The following SPTLC2 variants were observed in gnomAD, a reference collection of about 807,000 sequenced individuals.
SPTLC2 encodes serine palmitoyltransferase 2.
Under a neutral mutation model 62.0 loss-of-function variants are expected in SPTLC2, and 21 were observed. The ratio of observed to expected loss-of-function variants is 0.34; its 90% CI spans 0.24 to 0.49. The LOEUF (loss-of-function observed/expected upper bound fraction) is 0.49. SPTLC2 is among the 20% of genes least tolerant of loss of function. The pLI is 0.99. For synonymous variants in SPTLC2, 261 were observed against 261.8 expected (o/e 1.00, Z 0.03); for missense variants, 511 against 713.0 (o/e 0.72, Z 3.23).
chr14:77,591,015 T>A (rs1396303246), intron 2 of SPTLC2, among the ~76,000 whole-genome samples: 2 of 152,198 alleles, frequency 1.3e-5, no homozygotes, highest in Non-Finnish European at 2.9e-5. Context: ...ACAGATACAG[T>A]GGTAAACCTA....
chr14:77,574,472 C>A (rs7400794), intron 4 of SPTLC2, among the ~76,000 whole-genome samples: 2 of 152,226 alleles, frequency 1.3e-5, no homozygotes, highest in Non-Finnish European at 2.9e-5. Flanking sequence ...AGTTACCATA[C>A]GACCTAGCAA....
Position 77,509,705 on chromosome 14 carries a change from T to C in SPTLC2, c.*2579A>G, listed in dbSNP as rs1371255693. 1 of 394,310 alleles carries C rather than the reference T, an allele frequency of 2.5e-6. No individual in the cohort carries two copies. The highest frequency in any genetic ancestry group is 3.6e-5 in the East Asian group (1 of 27,798). 24.4% of individuals were successfully genotyped at this position (394,310 alleles called of 1,614,324 possible). On this transcript the variant is annotated 3_prime_UTR_variant, in exon 12 of 12. Transcript: ENST00000216484. Reference sequence around the variant, plus strand: ...TAAATGATGATACCTAGGATATGACTGGACCCTAGATTTACATTACAGTTT... The same window carrying C: ...TAAATGATGATACCTAGGATATGACCGGACCCTAGATTTACATTACAGTTT...
rs2079325752 is a variant in SPTLC2 at position 77,510,287 on chromosome 14, A to C, written c.*1997T>G. The C allele has an allele frequency of 4.8e-6, 1 of 206,266 alleles. No homozygotes were observed. Among genetic ancestry groups the C allele is most frequent in the Non-Finnish European group, 9.6e-6 (1 of 104,466 alleles). 12.8% of individuals were successfully genotyped at this position (206,266 alleles called of 1,614,324 possible). ...GGCTTATTAAAGTTCTCAGATGCTG[A>C]CAGTGACTAAACATAACTCATACTC... On this transcript the variant is annotated 3_prime_UTR_variant, in exon 12 of 12. Coordinates refer to ENST00000216484, the MANE Select transcript of SPTLC2 (RefSeq NM_004863.4).
intron 5 of SPTLC2, among the ~76,000 whole-genome samples, chr14:77,564,893 A>C (rs1387618912): frequency 6.6e-6 from 1 of 152,144 alleles, no homozygotes. Context: ...TTACACAAAA[A>C]TTCTAATTAG....
chr14:77,578,788 A>G, intron 3 of SPTLC2, 167 bp downstream of exon 3: 4 of 652,282 alleles, frequency 6.1e-6, no homozygotes, highest in East Asian at 2.9e-5. Flanking sequence ...ATAGAAAGAT[A>G]TATCTTAAAA....
chr14:77,514,517 T>C (rs2079349274), intron 11 of SPTLC2, among the ~76,000 whole-genome samples: 1 of 152,184 alleles, frequency 6.6e-6, no homozygotes. Context: ...ACAGGTAAGG[T>C]GGGTTTCTAG....
chr14:77,599,565 G>A (rs1375718291), intron 1 of SPTLC2, among the ~76,000 whole-genome samples: 1 of 152,196 alleles, frequency 6.6e-6, no homozygotes, highest in Non-Finnish European at 1.5e-5. Context: ...AGATAGGCAT[G>A]GAAGATGGAT....
chr14:77,600,081 T>C (rs1323090960), intron 1 of SPTLC2, among the ~76,000 whole-genome samples: 2 of 152,170 alleles, frequency 1.3e-5, no homozygotes, highest in African/African-American at 2.4e-5. Context: ...AGGAATGCTA[T>C]GGGTGGGTCT....
intron 9 of SPTLC2, among the ~76,000 whole-genome samples, chr14:77,525,697 T>G (rs2139997464): frequency 6.6e-6 from 1 of 152,076 alleles, no homozygotes; most frequent in East Asian, 1.9e-4. Flanking sequence ...GATCACAAGG[T>G]CAGGAGATCG....
intron 9 of SPTLC2, among the ~76,000 whole-genome samples, chr14:77,542,323 G>C (rs147577811): frequency 6.6e-6 from 1 of 152,132 alleles, no homozygotes; most frequent in Non-Finnish European, 1.5e-5. Context: ...TAACAGGACA[G>C]ATTGATTTTA....
intron 9 of SPTLC2, among the ~76,000 whole-genome samples, chr14:77,529,811 TG>T (rs1219788906): frequency 6.6e-6 from 1 of 151,514 alleles, no homozygotes; most frequent in African/African-American, 2.4e-5. Context: ...TCAGTAGAGA[TG>T]GGACTTCACC....
At chr14:77,532,524 C>A (rs2079445711) in intron 9 of SPTLC2, among the ~76,000 whole-genome samples, 2 of 152,124 alleles carry the variant, frequency 1.3e-5, no homozygotes, top group African/African-American at 4.8e-5. Context: ...GTGGCTCACA[C>A]CTGTAAACCC....
At chr14:77,570,287 C>G in intron 5 of SPTLC2, 97 bp downstream of exon 5, 1 of 1,502,858 alleles carries the variant, frequency 6.7e-7, no homozygotes, top group African/African-American at 1.4e-5. Context: ...CTATGTTTAG[C>G]CTAAAGTTTA....
In SPTLC2 at chr14:77,597,247, T is replaced by A; in HGVS notation, c.266A>T (p.Asp89Val). 6.2e-7 allele frequency: 1 copy of A among 1,614,162 alleles called. No individual in the cohort carries two copies. Among genetic ancestry groups the A allele is most frequent in the Non-Finnish European group, 8.5e-7 (1 of 1,180,038 alleles). ...GVLTLFGYLR[D>V]FLRYWRIEKC... Reference sequence around the variant, plus strand: ...TTCAATTCTCCAATACCTCAAGAAATCTCGAAGATATCCAAAGAGGGTGAG... The same window carrying A: ...TTCAATTCTCCAATACCTCAAGAAAACTCGAAGATATCCAAAGAGGGTGAG... Residue 89 changes from aspartate (D) to valine (V), a missense_variant, in exon 2 of 12, where the codon GAT becomes GTT. By Grantham distance (152) the Asp-to-Val change is radical (BLOSUM62 -3). Transcript: ENST00000216484.
At chr14:77,566,512 C>G (rs1312508849) in intron 5 of SPTLC2, among the ~76,000 whole-genome samples, 1 of 152,240 alleles carries the variant, frequency 6.6e-6, no homozygotes, top group African/African-American at 2.4e-5. Context: ...ATTGCCCAGG[C>G]TGGAGTGCAT....
intron 1 of SPTLC2, among the ~76,000 whole-genome samples, chr14:77,602,890 T>G (rs1342304794): frequency 6.6e-6 from 1 of 152,180 alleles, no homozygotes; most frequent in East Asian, 1.9e-4. Context: ...ACAAGTTTAT[T>G]CAGATTTTGT....
chr14:77,589,789 C>CCACACACACACACACACACACA (rs10627978), intron 2 of SPTLC2, among the ~76,000 whole-genome samples: 2 of 146,206 alleles, frequency 1.4e-5, no homozygotes, highest in African/African-American at 5.1e-5. Flanking sequence ...GAGTCCGTCT[C>CCACACACACACACACACACACA]CACACACACA....
intron 7 of SPTLC2, 56 bp from the exon 8 acceptor site, chr14:77,555,575 C>A (rs2079578832): frequency 1.3e-6 from 2 of 1,538,332 alleles, no homozygotes; most frequent in East Asian, 4.7e-5. Context: ...CTTTTTAAAT[C>A]AAAATTGGGA....
intron 2 of SPTLC2, among the ~76,000 whole-genome samples, chr14:77,590,163 G>C (rs1361605798): frequency 6.6e-6 from 1 of 152,060 alleles, no homozygotes; most frequent in South Asian, 2.1e-4. Flanking sequence ...TTCTTGTTGA[G>C]ACAGGGTCTT....
Sources: allele counts gnomAD v4.1 joint callset (sites outside exome capture counted in the v4.1 genomes callset), GRCh38; gene constraint gnomAD v4.1.1; transcripts MANE v1.5; gene names NCBI Gene and HGNC (gene_info 2026-07-23, HGNC 2026-07-21).